ANO3: variants seen among roughly 807,000 people sequenced by gnomAD.
The protein encoded by ANO3 is anoctamin 3.
A neutral mutation model predicts 144.8 loss-of-function variants in ANO3; 99 were observed. The ratio of observed to expected loss-of-function variants is 0.68; its 90% confidence interval spans 0.58 to 0.81. The LOEUF is 0.81. Among genes scored for constraint, ANO3 ranks in the 30% least tolerant of loss-of-function variants. ANO3 has a pLI of 0.00. For missense variants in ANO3, 905 were observed against 1,202.2 expected, an observed-to-expected ratio of 0.75 and a Z score of 3.66; for synonymous variants, 414 against 392.6, an observed-to-expected ratio of 1.05 and a Z score of -0.64.
At chr11:26,494,176 G>A (rs1860831138) in intron 4 of ANO3, among the ~76,000 whole-genome samples, 1 of 151,044 alleles carries the variant, frequency 6.6e-6, no homozygotes, top group South Asian at 2.1e-4. Flanking sequence ...GTGATCTGTA[G>A]TTTTGTAAAA....
intron 17 of ANO3, among the ~76,000 whole-genome samples, chr11:26,617,911 C>T (rs989642384): frequency 6.6e-6 from 1 of 152,124 alleles, no homozygotes; most frequent in African/African-American, 2.4e-5. Flanking sequence ...CAGGATTAAC[C>T]TATGGATTTA....
At chr11:26,467,550 G>T (rs937900338) in intron 4 of ANO3, among the ~76,000 whole-genome samples, 4 of 152,002 alleles carry the variant, frequency 2.6e-5, no homozygotes, top group Admixed American at 1.3e-4. Context: ...TTCTGTGCCT[G>T]ACTGATTTCC....
At chr11:26,428,490 A>G (rs886315968) in intron 1 of ANO3, among the ~76,000 whole-genome samples, 11 of 152,246 alleles carry the variant, frequency 7.2e-5, no homozygotes, top group African/African-American at 2.7e-4. Flanking sequence ...CAAGTAGAGC[A>G]ATATTTTCAG....
At chr11:26,438,058 A>G (rs1181032972) in intron 1 of ANO3, among the ~76,000 whole-genome samples, 1 of 152,142 alleles carries the variant, frequency 6.6e-6, no homozygotes, top group Non-Finnish European at 1.5e-5. Context: ...ATAAACTGGA[A>G]AGTGAGTAGT....
intron 1 of ANO3, among the ~76,000 whole-genome samples, chr11:26,202,102 ATTAG>A (rs1179365804): frequency 1.3e-5 from 2 of 151,086 alleles, no homozygotes; most frequent in African/African-American, 4.8e-5. Flanking sequence ...CAAGATATTA[ATTAG>A]TTAGGTTTAG....
intron 14 of ANO3, among the ~76,000 whole-genome samples, chr11:26,564,740 T>C (rs1441263379): frequency 0.015 from 352 of 23,794 alleles, 5 homozygotes; most frequent in African/African-American, 0.021. Flanking sequence ...CACATATATA[T>C]ATATATATAT....
At chr11:26,580,137 G>A (rs1220380707) in intron 14 of ANO3, among the ~76,000 whole-genome samples, 1 of 132,010 alleles carries the variant, frequency 7.6e-6, no homozygotes, top group Non-Finnish European at 1.7e-5. Flanking sequence ...GCAAAATCCA[G>A]TAGGTTAAAA....
intron 3 of ANO3, among the ~76,000 whole-genome samples, chr11:26,449,997 C>G (rs1858865874): frequency 6.6e-6 from 1 of 152,066 alleles, no homozygotes; most frequent in Non-Finnish European, 1.5e-5. Flanking sequence ...CTCAGGCAAT[C>G]CGCCCAGCTC....
chr11:26,241,911 C>A (rs1261367592), intron 1 of ANO3, among the ~76,000 whole-genome samples: 3 of 152,140 alleles, frequency 2.0e-5, no homozygotes, highest in Non-Finnish European at 4.4e-5. Flanking sequence ...GTATGAATAT[C>A]ATTCTAAGAG....
intron 1 of ANO3, among the ~76,000 whole-genome samples, chr11:26,246,593 C>G (rs1049824510): frequency 2.7e-5 from 4 of 148,678 alleles, no homozygotes; most frequent in Admixed American, 6.6e-5. Context: ...AATAATTTAC[C>G]TTATTTTTAA....
At chr11:26,557,559 A>G (rs1450358601) in intron 13 of ANO3, among the ~76,000 whole-genome samples, 3 of 152,020 alleles carry the variant, frequency 2.0e-5, no homozygotes, top group African/African-American at 7.2e-5. Flanking sequence ...TGTATTACAT[A>G]TTTAATTATA....
chr11:26,463,486 T>A (rs1477553374), intron 4 of ANO3, among the ~76,000 whole-genome samples: 1 of 151,844 alleles, frequency 6.6e-6, no homozygotes, highest in Non-Finnish European at 1.5e-5. Flanking sequence ...AGATTTAAAT[T>A]CCATTTCTAC....
chr11:26,360,119 T>C (rs1174279498), intron 1 of ANO3, among the ~76,000 whole-genome samples: 1 of 151,746 alleles, frequency 6.6e-6, no homozygotes, highest in Non-Finnish European at 1.5e-5. Flanking sequence ...TCTGTAAGAA[T>C]TTTCATTGAC....
chr11:26,436,391 C>T (rs562083708), intron 1 of ANO3, among the ~76,000 whole-genome samples: 1 of 152,234 alleles, frequency 6.6e-6, no homozygotes, highest in Non-Finnish European at 1.5e-5. Context: ...ACATAACCAA[C>T]AGTCTGGCCA....
chr11:26,554,681 G>A (rs1306895145), intron 13 of ANO3, among the ~76,000 whole-genome samples: 2 of 152,038 alleles, frequency 1.3e-5, no homozygotes, highest in Non-Finnish European at 2.9e-5. Context: ...GGCTCCCAGT[G>A]GCTGGTCTGA....
intron 5 of ANO3, among the ~76,000 whole-genome samples, chr11:26,514,608 C>T (rs1221051689): frequency 6.6e-6 from 1 of 152,006 alleles, no homozygotes; most frequent in Non-Finnish European, 1.5e-5. Context: ...TGATTTCTTC[C>T]AAGTAGGCAG....
At chr11:26,390,050 A>G (rs1856835488) in intron 1 of ANO3, among the ~76,000 whole-genome samples, 2 of 152,128 alleles carry the variant, frequency 1.3e-5, no homozygotes, top group Admixed American at 6.6e-5. Flanking sequence ...TAAATCATCA[A>G]TAATCCATTC....
At chr11:26,571,992 G>C in intron 14 of ANO3, 1 of 682,286 alleles carries the variant, frequency 1.5e-6, no homozygotes, top group Non-Finnish European at 1.8e-6. Flanking sequence ...AGAGAGTAGA[G>C]AGTGAAAGAG....
chr11:26,352,041 G>A (rs1323765049), intron 1 of ANO3, among the ~76,000 whole-genome samples: 2 of 152,042 alleles, frequency 1.3e-5, no homozygotes, highest in African/African-American at 4.8e-5. Flanking sequence ...TGATCCTACT[G>A]GGCTTACCTC....
Sources: gnomAD v4.1 joint callset for allele counts (sites outside exome capture counted in the v4.1 genomes callset) on GRCh38, gnomAD v4.1.1 for gene constraint, MANE v1.5 for transcripts, NCBI Gene and HGNC (gene_info 2026-07-23, HGNC 2026-07-21) for gene names.